The following PTPN14 variants were observed in gnomAD, a reference collection of about 807,000 sequenced individuals.
PTPN14 encodes the protein tyrosine-protein phosphatase non-receptor type 14.
Under a neutral mutation model 126.8 loss-of-function variants are expected in PTPN14, and 53 were observed. That is an observed-to-expected ratio of 0.42 (90% CI 0.34 to 0.53). The LOEUF is 0.53. Among genes scored for constraint, PTPN14 ranks in the 20% least tolerant of loss-of-function variants. PTPN14 has a pLI of 0.08. For synonymous variants in PTPN14, 630 were observed against 599.3 expected (o/e 1.05, Z -0.75); for missense variants, 1,257 against 1,552.9 (o/e 0.81, Z 3.20).
intron 1 of PTPN14, among the ~76,000 whole-genome samples, chr1:214,520,025 G>A (rs1282974741): frequency 5.9e-5 from 7 of 119,216 alleles, no homozygotes; most frequent in Non-Finnish European, 1.1e-4. Context: ...TCCAGCCTGA[G>A]TGACAGAAAA....
intron 3 of PTPN14, among the ~76,000 whole-genome samples, chr1:214,447,573 AT>A (rs201429099): frequency 0.061 from 9,054 of 147,630 alleles, 319 homozygotes; most frequent in South Asian, 0.15. Context: ...GATTTCTTAC[AT>A]TTTTTTTTTC....
intron 12 of PTPN14, among the ~76,000 whole-genome samples, chr1:214,385,575 G>GCCCAACCTGATTGATTTCTACAA (rs1571965193): frequency 2.0e-5 from 3 of 151,414 alleles, no homozygotes; most frequent in Non-Finnish European, 2.9e-5. Context: ...CTACAATCAG[G>GCCCAACCTGATTGATTTCTACAA]TGTCTGGTGT....
chr1:214,448,923 C>T (rs1390655728), intron 3 of PTPN14, among the ~76,000 whole-genome samples: 6 of 151,964 alleles, frequency 3.9e-5, no homozygotes, highest in Admixed American at 3.9e-4. Flanking sequence ...ATTTTGTGCT[C>T]CAGAACTGAC....
At chr1:214,429,697 T>C (rs1224508503) in intron 3 of PTPN14, among the ~76,000 whole-genome samples, 1 of 152,232 alleles carries the variant, frequency 6.6e-6, no homozygotes, top group Non-Finnish European at 1.5e-5. Context: ...ATCCTTGATA[T>C]TTTGCCCAAA....
In PTPN14 at chr1:214,369,608, G is replaced by A. The variant is rs970925398; in HGVS notation, c.3120C>T (p.Val1040=). The change falls in exon 17 of 19, where the codon GTC becomes GTT. Residue 1040 remains valine, a synonymous_variant. Transcript: ENST00000366956. ...HSSATYGKFK[V]TTKFRTDSVC... is the part of the protein sequence containing the mutation. ...CAGAATCCGTTCGAAACTTCGTGGT[G>A]ACCTTGAACTTGCCATAGGTGGCTG... is the stretch of plus-strand genomic sequence containing the variant. The A allele has an allele frequency of 2.5e-6, 4 of 1,614,178 alleles. No individual in the cohort carries two copies. The highest frequency in any genetic ancestry group is 1.3e-5 in the African/African-American group (1 of 75,048).
chr1:214,449,535 G>A (rs1236388498), intron 3 of PTPN14, among the ~76,000 whole-genome samples: 1 of 152,132 alleles, frequency 6.6e-6, no homozygotes, highest in Non-Finnish European at 1.5e-5. Context: ...TAATGGCCGA[G>A]AGCCAAGAAT....
intron 7 of PTPN14, 62 bp from the exon 8 acceptor site, chr1:214,398,063 T>C (rs565965893): frequency 3.4e-5 from 45 of 1,334,266 alleles, no homozygotes; most frequent in Non-Finnish European, 4.5e-5. Context: ...TTATTCACAA[T>C]AGCTAAGATA....
chr1:214,426,032 CAAAAAAAAAAA>C (rs66656875), intron 3 of PTPN14, among the ~76,000 whole-genome samples: 10 of 33,868 alleles, frequency 3.0e-4, no homozygotes, highest in Admixed American at 1.6e-3. Context: ...GCATAAATCG[CAAAAAAAAAAA>C]AAAAAAAAAA....
intron 1 of PTPN14, among the ~76,000 whole-genome samples, chr1:214,521,495 C>G (rs1316171618): frequency 1.3e-5 from 2 of 152,200 alleles, no homozygotes; most frequent in Non-Finnish European, 2.9e-5. Context: ...GGTGGATCAC[C>G]TGAGGTCAGG....
In PTPN14 at chr1:214,451,949, A is replaced by C; in HGVS notation, c.200T>G (p.Leu67Arg). Residue 67 changes from leucine (L) to arginine (R), a missense_variant, in exon 3 of 19, where the codon CTC (leucine) becomes CGC (arginine). Physicochemically the swap from Leu to Arg is moderately radical, Grantham distance 102 (BLOSUM62 -2). Around this residue, in one of 3 missense-constraint regions of PTPN14, gnomAD observed 1,021 missense variants for 1,183.3 expected, o/e 0.86. Transcript: ENST00000366956. ...CCATCGTGCTTGCTGGCTCTTGCTG[A>C]GAAACCAAAGGCCAAAGTAGTGCGT... ...RETHYFGLWF[L>R]SKSQQARWVE... is the part of the protein sequence containing the mutation. The C allele has an allele frequency of 6.2e-7, 1 of 1,614,106 alleles. No homozygotes were observed. Among genetic ancestry groups the C allele is most frequent in the Non-Finnish European group, 8.5e-7 (1 of 1,180,004 alleles).
In PTPN14 at chr1:214,451,834, A is replaced by G; in HGVS notation, c.315T>C (p.Asn105=). The G allele has an allele frequency of 1.9e-6, 3 of 1,614,182 alleles. No individual in the cohort carries two copies. The highest frequency in any genetic ancestry group is 2.5e-6 in the Non-Finnish European group (3 of 1,180,030). The change falls in exon 3 of 19, where the codon AAT becomes AAC. Residue 105 remains asparagine, a synonymous_variant. Transcript: ENST00000366956. ...LFFGVMFYVP[N]VSWLQQEATR... The stretch of plus-strand genomic sequence containing the variant: ...TGGCCTCTTGCTGAAGCCATGACAC[A>G]TTTGGCACATAGAACATGACTCCAA...
chr1:214,490,951 AGAAAGGAAGGAAGGAAGGGAAG>A (rs201153250), intron 1 of PTPN14, among the ~76,000 whole-genome samples: 26,459 of 112,334 alleles, frequency 0.24, 3,610 homozygotes, highest in Non-Finnish European at 0.34. Context: ...AAGAAAAGAA[AGAAAGGAAGGAAGGAAGGGAAG>A]GAAAGGAAGG....
intron 1 of PTPN14, among the ~76,000 whole-genome samples, chr1:214,498,788 A>T (rs1447234010): frequency 6.6e-6 from 1 of 152,076 alleles, no homozygotes; most frequent in Non-Finnish European, 1.5e-5. Context: ...CATACCCTTT[A>T]AAATTTTTTT....
At chr1:214,381,420 C>A (rs936779327) in intron 13 of PTPN14, among the ~76,000 whole-genome samples, 1 of 152,230 alleles carries the variant, frequency 6.6e-6, no homozygotes, top group East Asian at 1.9e-4. Flanking sequence ...CCCAACAGCA[C>A]CTACCCATTT....
At position 214,384,558 on chromosome 1, in the gene PTPN14, C is replaced by T. The variant is rs773073343; in HGVS notation, c.1297G>A (p.Ala433Thr). ...GGCCTGTACGAGGGCACGATGATCG[C>T]GCTGTGCCGGTGGCTCGGGATGTAG... ...ADYIPSHRHS[A>T]IIVPSYRPTP... Residue 433 changes from alanine to threonine, a missense_variant, in exon 13 of 19, where the codon GCG becomes ACG. By Grantham distance (58) the Ala-to-Thr change is moderately conservative (BLOSUM62 0). Transcript: ENST00000366956. This position sits in a 1 kb window ranked among gnomAD's most constrained non-coding sequence, Gnocchi z 5.3. The T allele has an allele frequency of 1.1e-5, 18 of 1,613,954 alleles. No individual in the cohort carries two copies. The highest frequency in any genetic ancestry group is 3.3e-5 in the Admixed American group (2 of 59,990).
chr1:214,387,860 G>C (rs928690000), intron 11 of PTPN14, among the ~76,000 whole-genome samples: 2 of 152,040 alleles, frequency 1.3e-5, no homozygotes, highest in African/African-American at 4.8e-5. Flanking sequence ...ATAGGAACAG[G>C]GTTAGTGTTA....
rs750685338 is a variant in PTPN14, at chr1:214,369,506, A to G, written c.3222T>C (p.Tyr1074=). The change falls in exon 17 of 19, where the codon TAT becomes TAC. Residue 1074 remains tyrosine, a synonymous_variant. Transcript: ENST00000366956. ...GQERTVWHLQ[Y]TDWPDHGCPE... ...GACAGCCGTGATCTGGCCAGTCAGTATATTGTAAATGCCACACCGTCCTTT... is the reference window on the plus strand; with the variant it reads ...GACAGCCGTGATCTGGCCAGTCAGTGTATTGTAAATGCCACACCGTCCTTT... 8 of 1,614,088 alleles carry G rather than the reference A, an allele frequency of 5.0e-6. No homozygotes were observed. The highest frequency in any genetic ancestry group is 1.3e-5 in the African/African-American group (1 of 74,936).
chr1:214,425,799 C>T lies in PTPN14; in HGVS notation c.345-11073G>A, dbSNP rs1437156346. On this transcript the variant is annotated intron_variant, in intron 3 of 18. Coordinates refer to ENST00000366956, the MANE Select transcript of PTPN14 (RefSeq NM_005401.5). ...AGTTATTAACAATGATAGCCCTTTG[C>T]ATTTGCGCAGTTGTTTTCCAAGAAT... Among the ~76,000 whole-genome samples the T allele has an allele frequency of 2.0e-5, 3 of 152,100 alleles. 1 individual carries two copies. Among genetic ancestry groups the T allele is most frequent in the South Asian group, 4.1e-4 (2 of 4,830 alleles).
chr1:214,515,360 T>G (rs1457620474), intron 1 of PTPN14, among the ~76,000 whole-genome samples: 1 of 152,192 alleles, frequency 6.6e-6, no homozygotes, highest in Admixed American at 6.5e-5. Flanking sequence ...CACACTCTTT[T>G]GTTTATTGGA....
Sources: gnomAD v4.1 joint callset for allele counts (sites outside exome capture counted in the v4.1 genomes callset) on GRCh38, gnomAD v4.1.1 for gene constraint, gnomAD v4.1.1 regional missense constraint, Gnocchi (gnomAD v3.1) non-coding constraint, MANE v1.5 for transcripts, NCBI Gene and HGNC (gene_info 2026-07-23, HGNC 2026-07-21) for gene names.